The following C10orf143 variants were observed in gnomAD, a reference collection of about 807,000 sequenced individuals.
C10orf143 encodes the protein chromosome 10 open reading frame 143, also known as uncharacterized protein C10orf143.
At chr10:130,058,002 C>G (rs1860814213) in intron 3 of C10orf143, among the ~76,000 whole-genome samples, 1 of 152,164 alleles carries the variant, frequency 6.6e-6, no homozygotes, top group African/African-American at 2.4e-5. Flanking sequence ...AAATTATTCC[C>G]CAAAACAGAA....
chr10:130,048,814 C>T (rs1174272900), intron 3 of C10orf143, among the ~76,000 whole-genome samples: 3 of 152,072 alleles, frequency 2.0e-5, no homozygotes, highest in Non-Finnish European at 2.9e-5. Flanking sequence ...ACAATCCTCC[C>T]GCCTCAGTCC....
At chr10:130,099,832 T>A (rs7082871) in intron 1 of C10orf143, among the ~76,000 whole-genome samples, 7,415 of 143,848 alleles carry the variant, frequency 0.052, 629 homozygotes, top group African/African-American at 0.18. Context: ...AAATTTTTTT[T>A]ATTTTTTCTT....
chr10:130,078,428 T>C (rs1861155209), intron 3 of C10orf143, among the ~76,000 whole-genome samples: 1 of 152,252 alleles, frequency 6.6e-6, no homozygotes, highest in Non-Finnish European at 1.5e-5. Context: ...GTTTGTATTC[T>C]AGGGTATGTT....
intron 1 of C10orf143, among the ~76,000 whole-genome samples, chr10:130,103,695 A>T (rs1223484693): frequency 3.3e-5 from 5 of 151,278 alleles, no homozygotes; most frequent in Non-Finnish European, 7.4e-5. Context: ...CTGTAGTCCC[A>T]GCTACTCAGG....
At chr10:130,064,589 A>G (rs72843882) in intron 3 of C10orf143, among the ~76,000 whole-genome samples, 23,313 of 152,178 alleles carry the variant, frequency 0.15, 2,399 homozygotes, top group Non-Finnish European at 0.22. Flanking sequence ...TCCAGTAGTG[A>G]CTGGTACACA....
At chr10:130,038,649 A>T (rs966192955) in intron 3 of C10orf143, among the ~76,000 whole-genome samples, 1 of 151,924 alleles carries the variant, frequency 6.6e-6, no homozygotes, top group Admixed American at 6.6e-5. Flanking sequence ...GGCATCAAAC[A>T]CCGCCCAGGC....
intron 3 of C10orf143, among the ~76,000 whole-genome samples, chr10:130,073,568 A>G (rs11017073): frequency 0.01 from 1,559 of 152,014 alleles, 11 homozygotes; most frequent in Middle Eastern, 0.038. Flanking sequence ...TGTTGGTCCC[A>G]ACGGCACTAC....
intron 3 of C10orf143, among the ~76,000 whole-genome samples, chr10:130,037,692 G>T (rs556083415): frequency 6.6e-6 from 1 of 152,180 alleles, no homozygotes; most frequent in Non-Finnish European, 1.5e-5. Context: ...AAATCAATGC[G>T]GGCCTTATTA....
chr10:130,109,503 G>C (rs1163642650), intron 1 of C10orf143, among the ~76,000 whole-genome samples: 2 of 152,144 alleles, frequency 1.3e-5, no homozygotes, highest in Admixed American at 6.5e-5. Flanking sequence ...CTTCCATCTT[G>C]TTAGGGCCAG....
chr10:130,038,394 G>A (rs1011423734), intron 3 of C10orf143, among the ~76,000 whole-genome samples: 3 of 152,140 alleles, frequency 2.0e-5, no homozygotes, highest in Non-Finnish European at 4.4e-5. Flanking sequence ...TGGCTCCCTT[G>A]CAGGCCCTGG....
intron 3 of C10orf143, among the ~76,000 whole-genome samples, chr10:130,072,542 A>G (rs1449948411): frequency 6.6e-6 from 1 of 152,236 alleles, no homozygotes; most frequent in Non-Finnish European, 1.5e-5. Flanking sequence ...ACTTTTTAAA[A>G]AAACTTCAAT....
In C10orf143 at chr10:130,050,244, C is replaced by T. The variant is rs190262293; in HGVS notation, c.298-14274G>A. On this transcript the variant is annotated intron_variant and NMD_transcript_variant, in intron 3 of 5. Transcript: ENST00000643056. ...CTGGCCCCGGCCAAGTGCAGAATTG[C>T]GGCTGTGGCTCCCCAAGTTCTGAGG... is the stretch of plus-strand genomic sequence containing the variant. 3.0e-3 allele frequency among the ~76,000 whole-genome samples: 457 copies of T among 152,370 alleles called. 2 individuals are homozygous for T. The highest frequency in any genetic ancestry group is 0.01 in the African/African-American group (423 of 41,590).
At chr10:130,105,804 A>G (rs1324700721) in intron 1 of C10orf143, among the ~76,000 whole-genome samples, 1 of 151,890 alleles carries the variant, frequency 6.6e-6, no homozygotes, top group Non-Finnish European at 1.5e-5. Context: ...AAACCAAACC[A>G]AGGGGTGGGG....
chr10:130,038,823 G>A (rs1250934582), intron 3 of C10orf143, among the ~76,000 whole-genome samples: 1 of 152,160 alleles, frequency 6.6e-6, no homozygotes, highest in Non-Finnish European at 1.5e-5. Flanking sequence ...CACCGACTGT[G>A]TATGCTTTTT....
chr10:130,042,570 C>T (rs1375461347), intron 3 of C10orf143, among the ~76,000 whole-genome samples: 2 of 152,256 alleles, frequency 1.3e-5, no homozygotes, highest in Non-Finnish European at 2.9e-5. Context: ...GGAGACCTCC[C>T]TCAGCTCTGG....
chr10:130,056,146 T>C lies in C10orf143; in HGVS notation c.298-20176A>G, dbSNP rs1554945482. ...GCAATTTAAAGTAAGTAAATTTAGA[T>C]GTCAGAAAGGAAATCTTGTTTGTCC... is the stretch of plus-strand genomic sequence containing the variant. On this transcript the variant is annotated intron_variant and NMD_transcript_variant, in intron 3 of 5. Coordinates refer to the C10orf143 transcript ENST00000643056. The surrounding 1 kb of genome is among the most constrained non-coding windows in gnomAD (Gnocchi z 4.6). Among the ~76,000 whole-genome samples, 1 of 152,172 alleles carries C rather than the reference T, an allele frequency of 6.6e-6. No individual in the cohort carries two copies. Among genetic ancestry groups the C allele is most frequent in the Non-Finnish European group, 1.5e-5 (1 of 68,038 alleles).
intron 1 of C10orf143, 109 bp downstream of exon 1, chr10:130,110,595 C>A (rs1436653827): frequency 5.0e-6 from 2 of 397,786 alleles, no homozygotes; most frequent in Non-Finnish European, 8.9e-6. Context: ...GTGTCTTGGG[C>A]CAGGCCTCCT....
chr10:130,060,949 G>A (rs2134741351), downstream of C10orf143, among the ~76,000 whole-genome samples: 1 of 152,106 alleles, frequency 6.6e-6, no homozygotes, highest in African/African-American at 2.4e-5. Flanking sequence ...ACCAGCCTAG[G>A]CAACATGGTG....
At chr10:130,041,065 A>G (rs1459004072) in intron 3 of C10orf143, among the ~76,000 whole-genome samples, 2 of 152,192 alleles carry the variant, frequency 1.3e-5, no homozygotes, top group Admixed American at 6.5e-5. Context: ...CGCCATCCTA[A>G]TGGTATCACC....
Sources: allele counts gnomAD v4.1 joint callset (sites outside exome capture counted in the v4.1 genomes callset), GRCh38; gene constraint gnomAD v4.1.1; non-coding constraint Gnocchi (gnomAD v3.1); transcripts MANE v1.5; gene names NCBI Gene and HGNC (gene_info 2026-07-23, HGNC 2026-07-21).